Variants in XRCC1 observed in about 807,000 individuals in gnomAD.
The protein encoded by XRCC1 is DNA repair protein XRCC1.
Under a neutral mutation model 83.3 loss-of-function variants are expected in XRCC1, and 52 were observed. The ratio of observed to expected loss-of-function variants is 0.62; its 90% CI spans 0.50 to 0.79. The LOEUF (loss-of-function observed/expected upper bound fraction) is 0.79. Ranked by LOEUF, XRCC1 falls within the 30% of genes least tolerant of loss-of-function variation. The probability of loss-of-function intolerance (pLI) is 0.00; values close to 1 mark genes in which losing one functional copy is unlikely to be tolerated. For missense variants in XRCC1, 793 were observed against 823.5 expected, an observed-to-expected ratio of 0.96 and a Z score of 0.45; for synonymous variants, 281 against 312.6, an observed-to-expected ratio of 0.90 and a Z score of 1.07.
At chr19:43,556,939 A>C (rs1383337724) in intron 3 of XRCC1, among the ~76,000 whole-genome samples, 1 of 151,982 alleles carries the variant, frequency 6.6e-6, no homozygotes, top group Non-Finnish European at 1.5e-5. Flanking sequence ...CAGGAGTTGG[A>C]GGTGATGGTG....
At chr19:43,558,980 T>G (rs1025202462) in intron 3 of XRCC1, among the ~76,000 whole-genome samples, 1 of 151,546 alleles carries the variant, frequency 6.6e-6, no homozygotes, top group Non-Finnish European at 1.5e-5. Context: ...CTACAAAAAA[T>G]TTTTTAAAAA....
chr19:43,572,980 C>A (rs1026596064), intron 2 of XRCC1, among the ~76,000 whole-genome samples: 1 of 141,740 alleles, frequency 7.1e-6, no homozygotes, highest in African/African-American at 2.7e-5. Context: ...TCTCACAGGC[C>A]GGAGTGCAGT....
At chr19:43,568,717 T>G (rs1972778291) in intron 2 of XRCC1, among the ~76,000 whole-genome samples, 1 of 140,360 alleles carries the variant, frequency 7.1e-6, no homozygotes, top group Admixed American at 7.1e-5. Context: ...CTGCTAATGG[T>G]GGTTGCATCA....
Position 43,546,914 on chromosome 19 carries a change from G to T in XRCC1, c.1263C>A (p.Ser421Arg), listed in dbSNP as rs779486375. Residue 421 changes from serine to arginine, a missense_variant, in exon 11 of 17, where the codon AGC (serine) becomes AGA (arginine). Ser to Arg is a moderately radical substitution (Grantham distance 110). Transcript: ENST00000262887. The stretch of plus-strand genomic sequence containing the variant: ...GAGGAAGCTTGGGGGCTTCATCTCC[G>T]CTGCCACCGCTGTGAGAGGCCTCAT... ...EEDEASHSGGSGDEAPKLPQK... is the reference protein window; with the variant it reads ...EEDEASHSGGRGDEAPKLPQK... 6.2e-7 allele frequency: 1 copy of T among 1,613,954 alleles called. No homozygotes were observed. Among genetic ancestry groups the T allele is most frequent in the Admixed American group, 1.7e-5 (1 of 60,006 alleles).
intron 2 of XRCC1, among the ~76,000 whole-genome samples, chr19:43,572,927 CTTTTTTT>C (rs1015971628): frequency 2.6e-4 from 24 of 91,138 alleles, no homozygotes; most frequent in Admixed American, 3.7e-4. Flanking sequence ...GAGATCTTTT[CTTTTTTT>C]TTTTTTTTTT....
chr19:43,553,378 G>C (rs754320505), intron 6 of XRCC1, 23 bp downstream of exon 6: 19 of 1,611,500 alleles, frequency 1.2e-5, no homozygotes. Flanking sequence ...TACTCACTCA[G>C]GACCCACGTT....
chr19:43,574,621 G>C (rs1972836083), intron 2 of XRCC1: 2 of 382,988 alleles, frequency 5.2e-6, no homozygotes, highest in Admixed American at 7.3e-5. Context: ...AGGAGGCAGA[G>C]TACGTGGCAA....
chr19:43,563,840 G>A lies in XRCC1; in HGVS notation c.145-2820C>T, dbSNP rs3213308. ...CATGATTACTGCCTGGTGTTACACA[G>A]TTACATCTTTTTTGTTTGTATTTGT... On this transcript the variant is annotated intron_variant, in intron 2 of 16. Transcript: ENST00000262887. 1.7e-3 allele frequency among the ~76,000 whole-genome samples: 263 copies of A among 152,292 alleles called. 8 individuals carry two copies. The East Asian group carries it at 0.049, about 29-fold the overall frequency.
At chr19:43,549,208 A>T (rs3213382) in intron 10 of XRCC1, among the ~76,000 whole-genome samples, 4,191 of 152,140 alleles carry the variant, frequency 0.028, 94 homozygotes, top group African/African-American at 0.064. Flanking sequence ...ATTTGTGCTT[A>T]TTAGGTATGG....
At chr19:43,560,407 A>G (rs1454733405) in intron 3 of XRCC1, among the ~76,000 whole-genome samples, 2 of 152,130 alleles carry the variant, frequency 1.3e-5, no homozygotes, top group Non-Finnish European at 2.9e-5. Flanking sequence ...CTCAAAAAAA[A>G]AAAAAGAAAA....
At chr19:43,559,481 A>AG (rs2146059866) in intron 3 of XRCC1, among the ~76,000 whole-genome samples, 2 of 19,636 alleles carry the variant, frequency 1.0e-4, no homozygotes, top group South Asian at 4.0e-3. Context: ...CTCCATCTCA[A>AG]AAAAAAAAAA....
In XRCC1 at chr19:43,575,472, G is replaced by C. The variant is rs762124241; in HGVS notation, c.-14C>G. On this transcript the variant is annotated 5_prime_UTR_variant, in exon 1 of 17. Coordinates refer to ENST00000262887, the MANE Select transcript of XRCC1 (RefSeq NM_006297.3). ...GATCTCCGGCATGTCAACGTCGTGG[G>C]CTTCGCCTGGCCAGAAGGATGAGGT... The C allele has an allele frequency of 1.2e-5, 19 of 1,611,974 alleles. No homozygotes were observed. The South Asian group carries it at 2.0e-4, about 17-fold the overall frequency.
At chr19:43,563,742 C>T (rs1486388205) in intron 2 of XRCC1, among the ~76,000 whole-genome samples, 2 of 152,098 alleles carry the variant, frequency 1.3e-5, no homozygotes, top group South Asian at 2.1e-4. Context: ...GATGTCACTT[C>T]AGACCATAAG....
Position 43,543,393 on chromosome 19 carries a change from C to T in XRCC1, c.1901G>A (p.Ter634=), listed in dbSNP as rs769675040. 1.9e-5 allele frequency: 30 copies of T among 1,589,732 alleles called. 1 individual carries two copies. Among genetic ancestry groups the T allele is most frequent in the Admixed American group, 3.4e-5 (2 of 59,082 alleles). ...GTGTGTGTGTGTATAGCACATACTTCAGGCTTGCGGCACCACCCCATAGAG... is the reference window on the plus strand; with the variant it reads ...GTGTGTGTGTGTATAGCACATACTTTAGGCTTGCGGCACCACCCCATAGAG... ...HQLYGVVPQA[*] Residue 634 remains the stop codon, a stop_retained_variant, in exon 17 of 17, where the codon TGA becomes TAA. Transcript: ENST00000262887.
At chr19:43,552,375 C>G in intron 8 of XRCC1, 100 bp from the exon 9 acceptor site, 1 of 911,198 alleles carries the variant, frequency 1.1e-6, no homozygotes, top group Non-Finnish European at 1.6e-6. Flanking sequence ...ACCCTCCTCC[C>G]TCAGACCCAG....
chr19:43,566,126 C>T (rs1423974731), intron 2 of XRCC1, among the ~76,000 whole-genome samples: 1 of 151,986 alleles, frequency 6.6e-6, no homozygotes, highest in East Asian at 1.9e-4. Flanking sequence ...ATCCCAGCTA[C>T]ACAGGAGGCT....
chr19:43,562,227 A>G (rs1029097508), intron 2 of XRCC1, among the ~76,000 whole-genome samples: 4 of 151,852 alleles, frequency 2.6e-5, no homozygotes, highest in African/African-American at 7.3e-5. Flanking sequence ...AGATGCTCCA[A>G]TCTGCTCTGT....
intron 2 of XRCC1, among the ~76,000 whole-genome samples, chr19:43,564,554 T>C (rs2021092): frequency 0.17 from 25,596 of 152,040 alleles, 2,223 homozygotes; most frequent in Non-Finnish European, 0.19. Flanking sequence ...TTTGGGAGAC[T>C]GAGGCAGGCG....
rs749186359 is a variant in XRCC1 at position 43,575,054 on chromosome 19, C to G, written c.52-52G>C. On this transcript the variant is annotated intron_variant, in intron 1 of 16. Coordinates refer to ENST00000262887, the MANE Select transcript of XRCC1 (RefSeq NM_006297.3). ...TTAGGGCACAGAGATGACAGCTAGGCCTCCAGCTCTCAGATGATTCCTTTG... is the reference window on the plus strand; with the variant it reads ...TTAGGGCACAGAGATGACAGCTAGGGCTCCAGCTCTCAGATGATTCCTTTG... 3 of 1,443,398 alleles carry G rather than the reference C, an allele frequency of 2.1e-6. No homozygotes were observed. The African/African-American group carries it at 4.2e-5, about 20-fold the overall frequency. The allele number at this position is 1,443,398 out of a possible 1,614,324, so 89.4% of individuals were successfully genotyped here.
Sources: allele counts gnomAD v4.1 joint callset (sites outside exome capture counted in the v4.1 genomes callset), GRCh38; gene constraint gnomAD v4.1.1; transcripts MANE v1.5; gene names NCBI Gene and HGNC (gene_info 2026-07-23, HGNC 2026-07-21).